XKR4: variants seen among roughly 807,000 people sequenced by gnomAD.
The protein encoded by XKR4 is XK-related protein 4.
In XKR4, 12 loss-of-function variants were observed where a neutral mutation model predicts 53.9. That is an observed-to-expected ratio of 0.22 (90% CI 0.14 to 0.36). The LOEUF (loss-of-function observed/expected upper bound fraction) is 0.36, where lower values mean the gene tolerates loss of function less well. Among genes scored for constraint, XKR4 ranks in the 10% least tolerant of loss-of-function variants. XKR4 has a pLI of 1.00. For missense variants in XKR4, 799 were observed against 859.5 expected (o/e 0.93, Z 0.88); for synonymous variants, 354 against 362.4 (o/e 0.98, Z 0.26).
At chr8:55,337,511 C>T (rs530443962) in intron 1 of XKR4, among the ~76,000 whole-genome samples, 2 of 152,292 alleles carry the variant, frequency 1.3e-5, no homozygotes, top group South Asian at 4.2e-4. Flanking sequence ...TGTATTTTCT[C>T]TTCCTTGTTG....
At chr8:55,393,382 T>G (rs1804468839) in intron 2 of XKR4, among the ~76,000 whole-genome samples, 1 of 147,812 alleles carries the variant, frequency 6.8e-6, no homozygotes, top group Non-Finnish European at 1.5e-5. Context: ...GAATGACATA[T>G]GGCTGGAATA....
intron 2 of XKR4, among the ~76,000 whole-genome samples, chr8:55,506,964 C>A (rs983119239): frequency 6.6e-6 from 1 of 152,102 alleles, no homozygotes; most frequent in Non-Finnish European, 1.5e-5. Flanking sequence ...TTCTTGGAAG[C>A]TCAGTTAATA....
chr8:55,253,409 A>G (rs4500061), intron 1 of XKR4, among the ~76,000 whole-genome samples: 116,119 of 152,154 alleles, frequency 0.76, 47,527 homozygotes, highest in Non-Finnish European at 0.92. Context: ...TGTAATCTTC[A>G]TCTATAATTT....
chr8:55,401,207 T>A (rs1163348879), intron 2 of XKR4, among the ~76,000 whole-genome samples: 1 of 152,176 alleles, frequency 6.6e-6, no homozygotes, highest in Non-Finnish European at 1.5e-5. Flanking sequence ...ACCTGCAACC[T>A]TAGAGGACAT....
intron 2 of XKR4, 95 bp downstream of exon 2, chr8:55,357,972 A>T: frequency 1.6e-6 from 2 of 1,282,662 alleles, no homozygotes; most frequent in Non-Finnish European, 1.1e-6. Flanking sequence ...CTTTGTTGAC[A>T]CAGGCCTGTG....
At chr8:55,365,629 C>A (rs546139351) in intron 2 of XKR4, among the ~76,000 whole-genome samples, 3 of 151,100 alleles carry the variant, frequency 2.0e-5, no homozygotes, top group Admixed American at 2.0e-4. Context: ...ATCGCTTGAA[C>A]CCGGGAGGCG....
chr8:55,512,934 C>A (rs1806651486), intron 2 of XKR4, among the ~76,000 whole-genome samples: 1 of 152,188 alleles, frequency 6.6e-6, no homozygotes, highest in Non-Finnish European at 1.5e-5. Context: ...GGCTTCAGGT[C>A]TCAAGGTTCA....
intron 1 of XKR4, among the ~76,000 whole-genome samples, chr8:55,227,301 C>A (rs1026061670): frequency 2.0e-5 from 3 of 152,190 alleles, no homozygotes; most frequent in Non-Finnish European, 2.9e-5. Context: ...ACTTGAAAAT[C>A]TTTACTTAGT....
chr8:55,478,195 G>T (rs192112303), intron 2 of XKR4, among the ~76,000 whole-genome samples: 21 of 152,202 alleles, frequency 1.4e-4, no homozygotes, highest in South Asian at 6.2e-4. Context: ...GACTAACAGC[G>T]GATCTCTTGG....
At chr8:55,436,933 G>A (rs180868556) in intron 2 of XKR4, among the ~76,000 whole-genome samples, 15 of 152,270 alleles carry the variant, frequency 9.9e-5, no homozygotes, top group African/African-American at 2.9e-4. Context: ...TATATGCACA[G>A]CATGTTTTGT....
At chr8:55,362,563 G>C (rs1803921300) in intron 2 of XKR4, among the ~76,000 whole-genome samples, 1 of 152,128 alleles carries the variant, frequency 6.6e-6, no homozygotes, top group Non-Finnish European at 1.5e-5. Context: ...CAGAAACAAA[G>C]ACAGCTTAAG....
intron 2 of XKR4, among the ~76,000 whole-genome samples, chr8:55,425,327 G>A (rs1192274526): frequency 1.3e-5 from 2 of 152,190 alleles, no homozygotes; most frequent in Non-Finnish European, 2.9e-5. Flanking sequence ...CTCACCTGGA[G>A]GTTGGCCCCT....
chr8:55,343,421 G>A (rs988362211), intron 1 of XKR4, among the ~76,000 whole-genome samples: 1 of 152,204 alleles, frequency 6.6e-6, no homozygotes, highest in African/African-American at 2.4e-5. Flanking sequence ...TGTTGGCACA[G>A]GGAGCTCAGA....
intron 1 of XKR4, among the ~76,000 whole-genome samples, chr8:55,352,027 G>A (rs2129383704): frequency 6.6e-6 from 1 of 152,232 alleles, no homozygotes; most frequent in East Asian, 1.9e-4. Flanking sequence ...TCTTTATAGG[G>A]GTACAAAGAC....
chr8:55,522,396 G>T (rs887295187), intron 2 of XKR4, among the ~76,000 whole-genome samples: 1 of 152,186 alleles, frequency 6.6e-6, no homozygotes, highest in African/African-American at 2.4e-5. Context: ...AACAGATAAA[G>T]GCTGTAGGAA....
intron 1 of XKR4, among the ~76,000 whole-genome samples, chr8:55,134,900 A>G (rs749971305): frequency 5.9e-5 from 9 of 152,138 alleles, no homozygotes; most frequent in Non-Finnish European, 1.2e-4. Context: ...GACAGAGAAT[A>G]TGGGGTACAG....
intron 2 of XKR4, among the ~76,000 whole-genome samples, chr8:55,512,773 A>G (rs1806648519): frequency 6.6e-6 from 1 of 152,024 alleles, no homozygotes; most frequent in South Asian, 2.1e-4. Flanking sequence ...ACAGCTACCA[A>G]TACACCCCTC....
intron 2 of XKR4, chr8:55,452,023 G>C: frequency 1.3e-6 from 1 of 763,956 alleles, no homozygotes. Context: ...TTCTTAACCA[G>C]GTTCCAGGAC....
chr8:55,314,411 G>T (rs1010534401), intron 1 of XKR4, among the ~76,000 whole-genome samples: 1 of 151,894 alleles, frequency 6.6e-6, no homozygotes, highest in Non-Finnish European at 1.5e-5. Context: ...TCTGCCTGAG[G>T]CCCCCCCATC....
Sources: gnomAD v4.1 joint callset for allele counts (sites outside exome capture counted in the v4.1 genomes callset) on GRCh38, gnomAD v4.1.1 for gene constraint, MANE v1.5 for transcripts, NCBI Gene and HGNC (gene_info 2026-07-23, HGNC 2026-07-21) for gene names.